ZNF219: variants seen among roughly 807,000 people sequenced by gnomAD.
ZNF219 encodes the protein zinc finger protein 219.
Under a neutral mutation model 54.4 loss-of-function variants are expected in ZNF219, and 17 were observed. That is an observed-to-expected ratio of 0.31 (90% CI 0.21 to 0.47). The LOEUF is 0.47. Among genes scored for constraint, ZNF219 ranks in the 20% least tolerant of loss-of-function variants. ZNF219 has a pLI of 1.00. For synonymous variants in ZNF219, 518 were observed against 476.4 expected, an observed-to-expected ratio of 1.09 and a Z score of -1.14; for missense variants, 1,014 against 1,062.3, an observed-to-expected ratio of 0.95 and a Z score of 0.63.
intron 1 of ZNF219, among the ~76,000 whole-genome samples, chr14:21,097,609 G>A (rs1172130630): frequency 6.6e-6 from 1 of 152,132 alleles, no homozygotes; most frequent in Non-Finnish European, 1.5e-5. Context: ...TCCTGCCGGA[G>A]AGGTTTTTCC....
At chr14:21,101,818 G>A, upstream of ZNF219, 2 of 1,455,882 alleles carry the variant, frequency 1.4e-6, no homozygotes, top group East Asian at 2.5e-5. Flanking sequence ...CGAGAAGGGA[G>A]GGAATCCCTG....
At chr14:21,098,016 C>A (rs1003104393) in intron 1 of ZNF219, among the ~76,000 whole-genome samples, 2 of 151,322 alleles carry the variant, frequency 1.3e-5, no homozygotes, top group Non-Finnish European at 3.0e-5. Context: ...CACATCCCCC[C>A]CGTTGGCCCT....
At position 21,092,216 on chromosome 14, in the gene ZNF219, G is replaced by T; in HGVS notation, c.1081C>A (p.Leu361Ile). Residue 361 changes from leucine to isoleucine, a missense_variant, in exon 3 of 5, where the codon CTC becomes ATC. Transcript: ENST00000360947. ...LLAYEPLGPALLLAPAPTPAE... is the reference protein window; with the variant it reads ...LLAYEPLGPAILLAPAPTPAE... ...GGGGTGGGAGCCGGGGCCAAGAGGA[G>T]CGCTGGGCCCAACGGCTCATAGGCC... The T allele has an allele frequency of 6.9e-7, 1 of 1,445,320 alleles. No homozygotes were observed. Among genetic ancestry groups the T allele is most frequent in the Non-Finnish European group, 9.0e-7 (1 of 1,105,104 alleles). The allele number at this position is 1,445,320 out of a possible 1,614,324, so 89.5% of individuals were successfully genotyped here. A position where few individuals can be genotyped will look rare whatever the true frequency, so the allele number is the denominator to read the frequency against.
At chr14:21,103,012 C>T (rs910146718), upstream of ZNF219, 3 of 1,476,440 alleles carry the variant, frequency 2.0e-6, no homozygotes, top group East Asian at 2.5e-5. Context: ...CATTAGGAAG[C>T]TGCCTAAATA....
chr14:21,102,742 G>C (rs374135799), upstream of ZNF219: 42 of 1,551,020 alleles, frequency 2.7e-5, no homozygotes, highest in Non-Finnish European at 3.5e-5. Context: ...CCAGGATGCT[G>C]CAGGAGCCAG....
At position 21,098,488 on chromosome 14, in the gene ZNF219, C is replaced by A; in HGVS notation, c.-260G>T. On this transcript the variant is annotated 5_prime_UTR_variant, in exon 1 of 5. Coordinates refer to ENST00000360947, the MANE Select transcript of ZNF219 (RefSeq NM_016423.3). ...CCGGTCCCCCGCCCCCGGCCCTGGC[C>A]CGCATTGTGTGCGGCGGGAGGCGGC... 1 of 982,162 alleles carries A rather than the reference C, an allele frequency of 1.0e-6. No homozygotes were observed. The highest frequency in any genetic ancestry group is 1.2e-6 in the Non-Finnish European group (1 of 828,380). 60.8% of individuals were successfully genotyped at this position (982,162 alleles called of 1,614,324 possible).
chr14:21,099,004 C>G (rs769515528), upstream of ZNF219: 243 of 396,670 alleles, frequency 6.1e-4, no homozygotes, highest in Non-Finnish European at 8.4e-4. Context: ...TCGGTCCTTT[C>G]CGTTCTTGAT....
upstream of ZNF219, chr14:21,103,594 G>C (rs542155552): frequency 3.8e-6 from 1 of 260,118 alleles, no homozygotes; most frequent in Non-Finnish European, 7.5e-6. Flanking sequence ...CCAACTCCCT[G>C]AATCCAATTC....
At position 21,096,647 on chromosome 14, in the gene ZNF219, G is replaced by A. The variant is rs1418847317; in HGVS notation, c.-84+1665C>T. On this transcript the variant is annotated intron_variant, in intron 1 of 4. Transcript: ENST00000360947. The stretch of plus-strand genomic sequence containing the variant: ...TCAGGGGTTATCTTGCCCTTATTTG[G>A]ATTCTATAAGGATGCGGGGCCAGGG... 2.0e-4 allele frequency among the ~76,000 whole-genome samples: 31 copies of A among 152,170 alleles called. 1 individual carries two copies. The highest frequency in any genetic ancestry group is 2.0e-3 in the Admixed American group (30 of 15,286).
chr14:21,103,576 T>C (rs946676919), upstream of ZNF219: 1 of 295,092 alleles, frequency 3.4e-6, no homozygotes, highest in Admixed American at 4.9e-5. Flanking sequence ...TCCCGGACCC[T>C]GCACACGCCA....
upstream of ZNF219, chr14:21,102,223 A>C: frequency 1.4e-6 from 2 of 1,437,610 alleles, no homozygotes; most frequent in Non-Finnish European, 1.9e-6. Flanking sequence ...TCATTCTCTC[A>C]GCTGTCACCA....
chr14:21,091,325 C>T, intron 4 of ZNF219, 86 bp downstream of exon 4: 1 of 1,532,574 alleles, frequency 6.5e-7, no homozygotes. Flanking sequence ...GGCTTCGGAA[C>T]AAACTTCACC....
chr14:21,095,329 T>G (rs1394269999), intron 1 of ZNF219, among the ~76,000 whole-genome samples: 1 of 152,226 alleles, frequency 6.6e-6, no homozygotes, highest in Non-Finnish European at 1.5e-5. Flanking sequence ...GATCCTTTCC[T>G]GGGACTAAGA....
chr14:21,101,515 C>A, upstream of ZNF219: 1 of 1,406,048 alleles, frequency 7.1e-7, no homozygotes, highest in Non-Finnish European at 9.8e-7. Context: ...CAATTCCATC[C>A]ATCCATCCAT....
Position 21,090,856 on chromosome 14 carries a change from G to A in ZNF219, c.1849C>T (p.Arg617Cys). 6 of 1,554,706 alleles carry A rather than the reference G, an allele frequency of 3.9e-6. No homozygotes were observed. Among genetic ancestry groups the A allele is most frequent in the Non-Finnish European group, 4.3e-6 (5 of 1,150,620 alleles). ...TCGGCCTCACCGCCTCGCCCGTTGCGCAGGGTCCTCCCAGGGCTGGCGGGC... is the reference window on the plus strand; with the variant it reads ...TCGGCCTCACCGCCTCGCCCGTTGCACAGGGTCCTCCCAGGGCTGGCGGGC... ...RKPASPGRTL[R>C]NGRGGEAEPL... is the part of the protein sequence containing the mutation. Residue 617 changes from arginine to cysteine, a missense_variant, in exon 5 of 5, where the codon CGC becomes TGC. Physicochemically the swap from Arg to Cys is radical, Grantham distance 180. Transcript: ENST00000360947. The surrounding 1 kb of genome is among the most constrained non-coding windows in gnomAD (Gnocchi z 4.4).
chr14:21,102,035 G>A (rs913616778), upstream of ZNF219: 21 of 1,550,872 alleles, frequency 1.4e-5, no homozygotes, highest in African/African-American at 2.7e-5. Flanking sequence ...CGGGACCAGA[G>A]CTCAACACTT....
chr14:21,100,883 A>C (rs1231917450), upstream of ZNF219, among the ~76,000 whole-genome samples: 1 of 152,352 alleles, frequency 6.6e-6, no homozygotes, highest in East Asian at 1.9e-4. Flanking sequence ...GATAGTGTCC[A>C]TGGGGATGAG....
In ZNF219 at chr14:21,090,609, G is replaced by A. The variant is rs147595576; in HGVS notation, c.2096C>T (p.Pro699Leu). ...RVPSGETPPSPSQEGEEGSGL... is the reference protein window; with the variant it reads ...RVPSGETPPSLSQEGEEGSGL... ...GGAGCCCTCCTCCCCTTCCTGCGAAGGACTGGGAGGGGTCTCTCCTGATGG... is the reference window on the plus strand; with the variant it reads ...GGAGCCCTCCTCCCCTTCCTGCGAAAGACTGGGAGGGGTCTCTCCTGATGG... The change falls in exon 5 of 5, where the codon CCT (proline) becomes CTT (leucine). Residue 699 changes from proline (P) to leucine (L), a missense_variant. This residue lies in a region of ZNF219 where 281 missense variants were observed against 271.2 expected (regional missense o/e 1.04). Transcript: ENST00000360947. This position sits in a 1 kb window ranked among gnomAD's most constrained non-coding sequence, Gnocchi z 4.4. 1.0e-4 allele frequency: 162 copies of A among 1,611,456 alleles called. 1 individual carries two copies. The Middle Eastern group carries it at 5.5e-3, about 54-fold the overall frequency.
intron 4 of ZNF219, 68 bp downstream of exon 4, chr14:21,091,343 G>A: frequency 1.3e-6 from 2 of 1,548,742 alleles, no homozygotes; most frequent in South Asian, 1.2e-5. Context: ...ACCTCCTAGT[G>A]TTTCGGTAGC....
Sources: allele counts gnomAD v4.1 joint callset (sites outside exome capture counted in the v4.1 genomes callset), GRCh38; gene constraint gnomAD v4.1.1; regional missense constraint gnomAD v4.1.1; non-coding constraint Gnocchi (gnomAD v3.1); transcripts MANE v1.5; gene names NCBI Gene and HGNC (gene_info 2026-07-23, HGNC 2026-07-21).